DSCAM: variants seen among roughly 807,000 people sequenced by gnomAD.
DSCAM encodes the protein DS cell adhesion molecule, also known as cell adhesion molecule DSCAM.
In DSCAM, 47 loss-of-function variants were observed where a neutral mutation model predicts 217.7. That is an observed-to-expected ratio of 0.22 (90% CI 0.17 to 0.28). The LOEUF (loss-of-function observed/expected upper bound fraction) is 0.28. DSCAM is among the 10% of genes least tolerant of loss of function. The pLI is 1.00. For synonymous variants in DSCAM, 1,056 were observed against 1,015.3 expected (o/e 1.04, Z -0.76); for missense variants, 2,080 against 2,618.3 (o/e 0.79, Z 4.49).
At chr21:40,489,570 C>G (rs931371137) in intron 3 of DSCAM, among the ~76,000 whole-genome samples, 3 of 151,632 alleles carry the variant, frequency 2.0e-5, no homozygotes, top group African/African-American at 7.3e-5. Context: ...GTCAGGAGAT[C>G]GAGACCATCC....
intron 3 of DSCAM, among the ~76,000 whole-genome samples, chr21:40,412,994 G>A (rs948413824): frequency 5.3e-5 from 8 of 152,244 alleles, no homozygotes; most frequent in African/African-American, 1.9e-4. Flanking sequence ...TGGCTTCAGA[G>A]GGTACAAGCC....
intron 3 of DSCAM, among the ~76,000 whole-genome samples, chr21:40,554,764 A>G (rs1200666296): frequency 6.6e-6 from 1 of 152,190 alleles, no homozygotes; most frequent in Non-Finnish European, 1.5e-5. Context: ...GATTTTGGTA[A>G]CCTTCTGGAG....
chr21:40,472,270 TAG>T (rs1569137506), intron 3 of DSCAM, among the ~76,000 whole-genome samples: 1 of 152,242 alleles, frequency 6.6e-6, no homozygotes, highest in African/African-American at 2.4e-5. Flanking sequence ...CTTCAGTGCT[TAG>T]ACTCAGAACA....
intron 3 of DSCAM, among the ~76,000 whole-genome samples, chr21:40,682,731 A>AGTGGAG: frequency 3.9e-4 from 1 of 2,582 alleles, no homozygotes; most frequent in African/African-American, 2.2e-3. Flanking sequence ...AGGGGAGGGG[A>AGTGGAG]GGGGAGGGGA....
chr21:40,217,440 T>C lies in DSCAM; in HGVS notation c.2357-28202A>G, dbSNP rs146987750. 7.1e-3 allele frequency among the ~76,000 whole-genome samples: 1,076 copies of C among 152,250 alleles called. 12 individuals carry two copies. The highest frequency in any genetic ancestry group is 0.02 in the Admixed American group (311 of 15,292). On this transcript the variant is annotated intron_variant, in intron 11 of 32. Coordinates refer to ENST00000400454, the MANE Select transcript of DSCAM (RefSeq NM_001389.5). ...TTTAACTTTTATTTTAGGTTTGGGG[T>C]ACATGTGAAGGTTTAGTTACATAGG... is the stretch of plus-strand genomic sequence containing the variant.
At chr21:40,333,737 T>C (rs1427719344) in intron 8 of DSCAM, among the ~76,000 whole-genome samples, 2 of 152,198 alleles carry the variant, frequency 1.3e-5, no homozygotes, top group African/African-American at 2.4e-5. Context: ...GGTGTAAAAC[T>C]GTTACTGTGT....
At chr21:40,498,710 TGGGTGTATATATATATGG>T (rs2076144178) in intron 3 of DSCAM, among the ~76,000 whole-genome samples, 10 of 5,602 alleles carry the variant, frequency 1.8e-3, no homozygotes, top group South Asian at 5.9e-3. Flanking sequence ...TATATATATA[TGGGTGTATATATATATGG>T]GTGTGTGTAT....
intron 3 of DSCAM, among the ~76,000 whole-genome samples, chr21:40,452,555 T>C (rs1277903799): frequency 6.6e-6 from 1 of 152,126 alleles, no homozygotes; most frequent in African/African-American, 2.4e-5. Flanking sequence ...AAGTATAAAA[T>C]ATATTACCTG....
At chr21:40,248,142 T>G (rs944811617) in intron 11 of DSCAM, among the ~76,000 whole-genome samples, 6 of 152,108 alleles carry the variant, frequency 3.9e-5, no homozygotes. Context: ...ATGAAACCAT[T>G]TTTTCCTCCT....
Position 40,556,927 on chromosome 21 carries a change from G to A in DSCAM, c.508+135883C>T, listed in dbSNP as rs2076677105. Among the ~76,000 whole-genome samples the A allele has an allele frequency of 1.3e-5, 2 of 152,134 alleles. 1 individual carries two copies. Among genetic ancestry groups the A allele is most frequent in the South Asian group, 4.2e-4 (2 of 4,814 alleles). On this transcript the variant is annotated intron_variant, in intron 3 of 32. Coordinates refer to ENST00000400454, the MANE Select transcript of DSCAM (RefSeq NM_001389.5). ...TCTCCATCCTCATCATCTTCTCATT[G>A]AGTAGGCTGAGGAAGAGGAGGGGTT...
chr21:40,097,423 T>C (rs2089689510), intron 20 of DSCAM, among the ~76,000 whole-genome samples: 1 of 151,240 alleles, frequency 6.6e-6, no homozygotes, highest in South Asian at 2.1e-4. Context: ...ATAAGATAAA[T>C]AAAATGGAAT....
At chr21:40,703,956 C>T (rs1452392978) in intron 2 of DSCAM, among the ~76,000 whole-genome samples, 1 of 152,148 alleles carries the variant, frequency 6.6e-6, no homozygotes, top group African/African-American at 2.4e-5. Flanking sequence ...TATTCTCCCT[C>T]TTGCCACATC....
chr21:40,228,507 C>T (rs1196046275), intron 11 of DSCAM, among the ~76,000 whole-genome samples: 4 of 152,086 alleles, frequency 2.6e-5, no homozygotes, highest in Non-Finnish European at 5.9e-5. Context: ...AATCCAATAC[C>T]GCCTTATTTG....
rs575531777 is a variant in DSCAM at position 40,649,509 on chromosome 21, C to G, written c.508+43301G>C. On this transcript the variant is annotated intron_variant, in intron 3 of 32. Transcript: ENST00000400454. ...ATATATACTTTAGCAACACATTATG[C>G]CACATTGTTTTATGCTGGCTGGATA... Among the ~76,000 whole-genome samples the G allele has an allele frequency of 1.6e-3, 238 of 152,306 alleles. 1 individual carries two copies. The highest frequency in any genetic ancestry group is 5.3e-3 in the African/African-American group (220 of 41,570).
At chr21:40,474,153 T>C (rs8133710) in intron 3 of DSCAM, among the ~76,000 whole-genome samples, 34,607 of 151,738 alleles carry the variant, frequency 0.23, 5,159 homozygotes, top group African/African-American at 0.42. Context: ...ATTAGCTGGG[T>C]GTGGTGGCAG....
Position 40,276,262 on chromosome 21 carries a change from C to T in DSCAM, c.2191G>A (p.Val731Ile), listed in dbSNP as rs1471730824. ...AGGGCAATTGGCTGGAACTGGGGAA[C>T]CCCAGCACCTGAGACAGAAAAAGAA... ...IVWKFSKGAG[V>I]PQFQPIALNG... The change falls in exon 11 of 33, where the codon GTT becomes ATT. Residue 731 changes from valine (V) to isoleucine (I), a missense_variant. Physicochemically the swap from Val to Ile is conservative, Grantham distance 29. Coordinates refer to ENST00000400454, the MANE Select transcript of DSCAM (RefSeq NM_001389.5). The T allele has an allele frequency of 6.3e-7, 1 of 1,593,022 alleles. No individual in the cohort carries two copies. The highest frequency in any genetic ancestry group is 1.8e-5 in the Admixed American group (1 of 54,620).
At chr21:40,633,362 C>T (rs1015993) in intron 3 of DSCAM, among the ~76,000 whole-genome samples, 79,927 of 152,044 alleles carry the variant, frequency 0.53, 21,302 homozygotes, top group East Asian at 0.67. Flanking sequence ...AGACCCAGTT[C>T]CACATCTCTC....
At chr21:40,638,541 G>A (rs73372835) in intron 3 of DSCAM, among the ~76,000 whole-genome samples, 1 of 152,134 alleles carries the variant, frequency 6.6e-6, no homozygotes, top group Non-Finnish European at 1.5e-5. Flanking sequence ...ATATAAGATA[G>A]ACAGTCACAA....
intron 3 of DSCAM, among the ~76,000 whole-genome samples, chr21:40,648,880 C>A (rs2089981561): frequency 6.6e-6 from 1 of 152,092 alleles, no homozygotes; most frequent in South Asian, 2.1e-4. Flanking sequence ...GTCAGTGTAT[C>A]CTCATTCTTC....
Sources: allele counts gnomAD v4.1 joint callset (sites outside exome capture counted in the v4.1 genomes callset), GRCh38; gene constraint gnomAD v4.1.1; transcripts MANE v1.5; gene names NCBI Gene and HGNC (gene_info 2026-07-23, HGNC 2026-07-21).